JAK1: variants seen among roughly 807,000 people sequenced by gnomAD.
The protein encoded by JAK1 is Janus kinase 1.
Under a neutral mutation model 136.6 loss-of-function variants are expected in JAK1, and 16 were observed. The ratio of observed to expected loss-of-function variants is 0.12; its 90% CI spans 0.08 to 0.18. JAK1 has a LOEUF of 0.18. JAK1 is among the 10% of genes least tolerant of loss of function. JAK1 has a pLI of 1.00. For synonymous variants in JAK1, 492 were observed against 519.5 expected (o/e 0.95, Z 0.72); for missense variants, 859 against 1,450.1 (o/e 0.59, Z 6.62).
At chr1:65,005,640 T>G (rs368181300) in intron 2 of JAK1, among the ~76,000 whole-genome samples, 40 of 152,350 alleles carry the variant, frequency 2.6e-4, no homozygotes, top group Admixed American at 1.8e-3. Context: ...ACACATGTAC[T>G]GAAATATCAT....
chr1:64,934,722 C>T (rs765616226), intron 1 of JAK1, among the ~76,000 whole-genome samples: 7 of 152,234 alleles, frequency 4.6e-5, no homozygotes, highest in Non-Finnish European at 4.4e-5. Flanking sequence ...GGACTCCAAA[C>T]GTAGTCACTC....
chr1:64,998,123 T>C (rs1181571288), intron 2 of JAK1, among the ~76,000 whole-genome samples: 1 of 152,088 alleles, frequency 6.6e-6, no homozygotes, highest in African/African-American at 2.4e-5. Flanking sequence ...TAAAAAACTG[T>C]CCTAAATGCA....
Position 64,873,358 on chromosome 1 carries a change from C to A in JAK1, c.483+12G>T. The A allele has an allele frequency of 6.2e-7, 1 of 1,614,020 alleles. No individual in the cohort carries two copies. Among genetic ancestry groups the A allele is most frequent in the Non-Finnish European group, 8.5e-7 (1 of 1,179,924 alleles). ...CACAAACTCCAGCTTCTCCTGGGCCCAAACTTCCTACCTGAGCAAACAGAT... is the reference window on the plus strand; with the variant it reads ...CACAAACTCCAGCTTCTCCTGGGCCAAAACTTCCTACCTGAGCAAACAGAT... On this transcript the variant is annotated intron_variant, in intron 5 of 24. Transcript: ENST00000342505.
Position 64,930,296 on chromosome 1 carries a change from A to G in JAK1, c.-78+36037T>C, listed in dbSNP as rs188964000. Among the ~76,000 whole-genome samples, 131 of 147,616 alleles carry G rather than the reference A, an allele frequency of 8.9e-4. 1 individual carries two copies. The highest frequency in any genetic ancestry group is 3.2e-3 in the African/African-American group (127 of 39,314). ...TCCAGAATCTACAAAAAACTTAAAC[A>G]AATTTATAAGGAAAAAACAACCCCA... is the stretch of plus-strand genomic sequence containing the variant. On this transcript the variant is annotated intron_variant, in intron 1 of 24. Transcript: ENST00000342505.
At chr1:64,942,034 AC>A (rs1321993213) in intron 1 of JAK1, 1 of 152,158 alleles carries the variant, frequency 6.6e-6, no homozygotes, top group African/African-American at 2.4e-5. Context: ...GAGAGAAACT[AC>A]TCCTGGATGA....
At chr1:64,945,570 T>C (rs1645969357) in intron 1 of JAK1, among the ~76,000 whole-genome samples, 1 of 152,204 alleles carries the variant, frequency 6.6e-6, no homozygotes, top group South Asian at 2.1e-4. Flanking sequence ...ATAGTATATA[T>C]TTACCTTATG....
At chr1:64,913,846 G>A (rs1645344547) in intron 1 of JAK1, among the ~76,000 whole-genome samples, 1 of 152,188 alleles carries the variant, frequency 6.6e-6, no homozygotes, top group Non-Finnish European at 1.5e-5. Flanking sequence ...CAGAAAAATA[G>A]ATATTAAATA....
At chr1:64,949,911 AAAAT>A (rs1261771489) in intron 1 of JAK1, among the ~76,000 whole-genome samples, 2 of 152,232 alleles carry the variant, frequency 1.3e-5, no homozygotes, top group Non-Finnish European at 1.5e-5. Context: ...TTACTTAAGA[AAAAT>A]AAAATAAATT....
Position 64,930,447 on chromosome 1 carries a change from G to A in JAK1, c.-78+35886C>T, listed in dbSNP as rs375916250. ...GAGAAACGCAAATCAAAACCACGATGAGATACCATCTCATGCCAGTCAGAA... is the reference window on the plus strand; with the variant it reads ...GAGAAACGCAAATCAAAACCACGATAAGATACCATCTCATGCCAGTCAGAA... On this transcript the variant is annotated intron_variant, in intron 1 of 24. Coordinates refer to ENST00000342505, the MANE Select transcript of JAK1 (RefSeq NM_002227.4). 2.0e-4 allele frequency among the ~76,000 whole-genome samples: 30 copies of A among 152,286 alleles called. 5 individuals carry two copies. Among genetic ancestry groups the A allele is most frequent in the Admixed American group, 3.3e-4 (5 of 15,294 alleles).
intron 2 of JAK1, among the ~76,000 whole-genome samples, chr1:64,988,457 A>T (rs1646620171): frequency 6.6e-6 from 1 of 152,158 alleles, no homozygotes; most frequent in Non-Finnish European, 1.5e-5. Flanking sequence ...ATGGCAGAGT[A>T]GGCAGCCCCA....
intron 2 of JAK1, among the ~76,000 whole-genome samples, chr1:65,003,110 A>G (rs1215566677): frequency 6.8e-6 from 1 of 146,144 alleles, no homozygotes; most frequent in Admixed American, 7.0e-5. Flanking sequence ...GCCCCATTGC[A>G]CAATTCTTAC....
chr1:65,061,800 A>T, intron 1 of JAK1, among the ~76,000 whole-genome samples: 1 of 152,204 alleles, frequency 6.6e-6, no homozygotes, highest in East Asian at 1.9e-4. Context: ...GTTTTTAAAA[A>T]CTAATTTGTG....
intron 1 of JAK1, among the ~76,000 whole-genome samples, chr1:65,063,153 G>C (rs1647880745): frequency 6.6e-6 from 1 of 152,106 alleles, no homozygotes; most frequent in Non-Finnish European, 1.5e-5. Context: ...GTGGGGAGGG[G>C]GACAGAAAGT....
At chr1:64,947,493 G>T (rs909273729) in intron 1 of JAK1, among the ~76,000 whole-genome samples, 1 of 152,122 alleles carries the variant, frequency 6.6e-6, no homozygotes, top group Non-Finnish European at 1.5e-5. Flanking sequence ...CATTGTGGCA[G>T]AACATAAGAC....
upstream of JAK1, among the ~76,000 whole-genome samples, chr1:64,968,664 G>A (rs1198665443): frequency 6.6e-6 from 1 of 152,184 alleles, no homozygotes; most frequent in Non-Finnish European, 1.5e-5. Flanking sequence ...AGGTGCAGTG[G>A]CTCACGCCTG....
intron 2 of JAK1, among the ~76,000 whole-genome samples, chr1:64,996,250 A>G (rs563329324): frequency 6.6e-6 from 1 of 152,306 alleles, no homozygotes; most frequent in South Asian, 2.1e-4. Context: ...TTCTAGTGCC[A>G]TCATGCCCAC....
intron 1 of JAK1, among the ~76,000 whole-genome samples, chr1:64,902,583 A>AGAGTGT: frequency 1.4e-3 from 100 of 73,786 alleles, no homozygotes; most frequent in East Asian, 0.011. Flanking sequence ...AGAGAGAGAG[A>AGAGTGT]GTGTGTGTGT....
At chr1:64,862,558 G>C (rs1656417136) in intron 8 of JAK1, among the ~76,000 whole-genome samples, 1 of 152,250 alleles carries the variant, frequency 6.6e-6, no homozygotes, top group Admixed American at 6.5e-5. Flanking sequence ...GCTTGGCATA[G>C]AGTCATTGGC....
intron 10 of JAK1, among the ~76,000 whole-genome samples, chr1:64,855,910 G>T (rs2101052014): frequency 6.6e-6 from 1 of 152,202 alleles, no homozygotes; most frequent in Middle Eastern, 3.4e-3. Flanking sequence ...CCAGGAGAAG[G>T]CATTGATAAA....
Sources: gnomAD v4.1 joint callset for allele counts (sites outside exome capture counted in the v4.1 genomes callset) on GRCh38, gnomAD v4.1.1 for gene constraint, MANE v1.5 for transcripts, NCBI Gene and HGNC (gene_info 2026-07-23, HGNC 2026-07-21) for gene names.